Variants in ELMO1 observed in about 807,000 individuals in gnomAD.
The protein encoded by ELMO1 is engulfment and cell motility 1.
In ELMO1, 26 loss-of-function variants were observed where a neutral mutation model predicts 98.9. The observed-to-expected ratio is 0.26, with a 90% CI of 0.19 to 0.36. The LOEUF is 0.36. ELMO1 is among the 10% of genes least tolerant of loss of function. ELMO1 has a pLI of 1.00. For synonymous variants in ELMO1, 346 were observed against 346.0 expected, an observed-to-expected ratio of 1.00 and a Z score of 0.00; for missense variants, 627 against 935.2, an observed-to-expected ratio of 0.67 and a Z score of 4.30.
Position 36,937,748 on chromosome 7 carries a change from C to T in ELMO1, c.1438-42731G>A, listed in dbSNP as rs559875612. Among the ~76,000 whole-genome samples the T allele has an allele frequency of 2.0e-5, 3 of 152,320 alleles. No homozygotes were observed. In the East Asian group the frequency reaches 5.8e-4, roughly 29 times the overall value. ...TTTCCTCCCTAAAAGCACCACAATACCCGTTGTTTAAAAATAATAATGGTT... is the reference window on the plus strand; with the variant it reads ...TTTCCTCCCTAAAAGCACCACAATATCCGTTGTTTAAAAATAATAATGGTT... On this transcript the variant is annotated intron_variant, in intron 16 of 21. Coordinates refer to ENST00000310758, the MANE Select transcript of ELMO1 (RefSeq NM_014800.11).
At chr7:37,293,847 A>G (rs1044711520) in intron 4 of ELMO1, among the ~76,000 whole-genome samples, 10 of 150,494 alleles carry the variant, frequency 6.6e-5, no homozygotes, top group African/African-American at 2.4e-4. Flanking sequence ...GTTTCACAAT[A>G]TAATTTTAAG....
chr7:37,295,353 T>C (rs1415147932), intron 4 of ELMO1, among the ~76,000 whole-genome samples: 2 of 152,224 alleles, frequency 1.3e-5, no homozygotes, highest in African/African-American at 2.4e-5. Context: ...GTCAGTTATA[T>C]CATTTTTTGT....
At chr7:36,871,071 G>A (rs537092510) in intron 19 of ELMO1, among the ~76,000 whole-genome samples, 1 of 152,168 alleles carries the variant, frequency 6.6e-6, no homozygotes. Flanking sequence ...CTGTTTTACA[G>A]ACAACAAAAC....
chr7:37,015,296 T>C (rs939774299), intron 15 of ELMO1, among the ~76,000 whole-genome samples: 2 of 151,954 alleles, frequency 1.3e-5, no homozygotes, highest in African/African-American at 4.8e-5. Context: ...AGCTTCAATT[T>C]TCTTAACTAA....
intron 15 of ELMO1, among the ~76,000 whole-genome samples, chr7:37,047,913 A>T (rs991212629): frequency 6.6e-6 from 1 of 152,174 alleles, no homozygotes; most frequent in Non-Finnish European, 1.5e-5. Flanking sequence ...GTATTTTAAA[A>T]TTAAAAAAAC....
intron 14 of ELMO1, among the ~76,000 whole-genome samples, chr7:37,118,819 G>GA (rs1044296157): frequency 3.9e-5 from 6 of 152,198 alleles, no homozygotes; most frequent in African/African-American, 1.2e-4. Flanking sequence ...TGTAAGCCCT[G>GA]AAAAAAGGCA....
chr7:37,133,401 G>A (rs1787058096), intron 13 of ELMO1, among the ~76,000 whole-genome samples, 167 bp from the exon 14 acceptor site: 1 of 151,980 alleles, frequency 6.6e-6, no homozygotes, highest in African/African-American at 2.4e-5. Flanking sequence ...GTGGATGCAG[G>A]GACTTCTTTC....
intron 14 of ELMO1, among the ~76,000 whole-genome samples, chr7:37,109,675 T>C (rs1023017350): frequency 1.3e-5 from 2 of 152,052 alleles, no homozygotes; most frequent in African/African-American, 4.8e-5. Flanking sequence ...CGCCCCCTAA[T>C]AGGATTTCCT....
At chr7:37,001,295 A>G (rs952613902) in intron 16 of ELMO1, among the ~76,000 whole-genome samples, 2 of 152,192 alleles carry the variant, frequency 1.3e-5, no homozygotes, top group Non-Finnish European at 2.9e-5. Flanking sequence ...TGGCCACCCC[A>G]TATTAAGACG....
At chr7:37,074,888 CAG>C (rs1459833706) in intron 15 of ELMO1, among the ~76,000 whole-genome samples, 5 of 152,162 alleles carry the variant, frequency 3.3e-5, no homozygotes, top group Non-Finnish European at 5.9e-5. Context: ...AGCCAGATTA[CAG>C]AGACTTTCAA....
chr7:37,412,232 G>A (rs1804020646), intron 1 of ELMO1, among the ~76,000 whole-genome samples: 1 of 152,172 alleles, frequency 6.6e-6, no homozygotes, highest in Non-Finnish European at 1.5e-5. Context: ...AAAATCACAG[G>A]AAGGAATGGA....
intron 7 of ELMO1, among the ~76,000 whole-genome samples, chr7:37,243,888 C>CT (rs1794872112): frequency 6.6e-6 from 1 of 152,178 alleles, no homozygotes; most frequent in Non-Finnish European, 1.5e-5. Context: ...GATAGGTGAT[C>CT]GAGCACTTTC....
chr7:37,428,171 T>C (rs1804788194), intron 1 of ELMO1, among the ~76,000 whole-genome samples: 1 of 151,434 alleles, frequency 6.6e-6, no homozygotes. Flanking sequence ...AGGATACATA[T>C]CCCAGTGAAA....
At chr7:37,354,596 T>C (rs991167768) in intron 1 of ELMO1, among the ~76,000 whole-genome samples, 1 of 152,212 alleles carries the variant, frequency 6.6e-6, no homozygotes, top group Non-Finnish European at 1.5e-5. Flanking sequence ...TTTTGCAAAC[T>C]AATGCACACA....
intron 14 of ELMO1, among the ~76,000 whole-genome samples, chr7:37,119,761 T>C (rs904653198): frequency 3.3e-5 from 5 of 152,208 alleles, no homozygotes; most frequent in Non-Finnish European, 4.4e-5. Flanking sequence ...GTCTCACAAC[T>C]GCACGAAAAC....
intron 3 of ELMO1, among the ~76,000 whole-genome samples, chr7:37,315,573 G>A (rs1245765047): frequency 6.6e-6 from 1 of 152,118 alleles, no homozygotes. Context: ...TCCTCTATGG[G>A]GACCTGAGTG....
At chr7:37,345,850 G>A (rs543928892) in intron 1 of ELMO1, among the ~76,000 whole-genome samples, 3 of 151,130 alleles carry the variant, frequency 2.0e-5, no homozygotes, top group Non-Finnish European at 4.4e-5. Flanking sequence ...TTAGCCGGGC[G>A]TGGTGGTGGG....
chr7:37,169,440 G>C (rs946017455), intron 13 of ELMO1, among the ~76,000 whole-genome samples: 2 of 152,152 alleles, frequency 1.3e-5, no homozygotes, highest in South Asian at 2.1e-4. Context: ...CGTCGCTCAC[G>C]CTGGGAGCTG....
At position 37,328,210 on chromosome 7, in the gene ELMO1, C is replaced by T. The variant is rs141462259; in HGVS notation, c.79-12250G>A. Among the ~76,000 whole-genome samples the T allele has an allele frequency of 9.5e-4, 145 of 151,924 alleles. 1 individual carries two copies. Among genetic ancestry groups the T allele is most frequent in the African/African-American group, 3.3e-3 (137 of 41,430 alleles). On this transcript the variant is annotated intron_variant, in intron 2 of 21. Transcript: ENST00000310758. Reference sequence around the variant, plus strand: ...CCAGCCTGGCCACATGGCAAAACCTCATCACTACAAAAAATACAAAAAGTT... The same window carrying T: ...CCAGCCTGGCCACATGGCAAAACCTTATCACTACAAAAAATACAAAAAGTT...
Sources: allele counts gnomAD v4.1 joint callset (sites outside exome capture counted in the v4.1 genomes callset), GRCh38; gene constraint gnomAD v4.1.1; transcripts MANE v1.5; gene names NCBI Gene and HGNC (gene_info 2026-07-23, HGNC 2026-07-21).